The following MARCHF3 variants were observed in gnomAD, a reference collection of about 807,000 sequenced individuals.
MARCHF3 encodes membrane associated ring-CH-type finger 3.
MARCHF3 carries 13 observed loss-of-function variants against 24.2 expected under a neutral mutation model. The ratio of observed to expected loss-of-function variants is 0.54; its 90% CI spans 0.35 to 0.85. The LOEUF (loss-of-function observed/expected upper bound fraction) is 0.85, where lower values mean the gene tolerates loss of function less well. Ranked by LOEUF, MARCHF3 falls within the 40% of genes least tolerant of loss-of-function variation. The pLI is 0.01. For synonymous variants in MARCHF3, 144 were observed against 137.3 expected, an observed-to-expected ratio of 1.05 and a Z score of -0.34; for missense variants, 276 against 325.0, an observed-to-expected ratio of 0.85 and a Z score of 1.16.
intron 1 of MARCHF3, among the ~76,000 whole-genome samples, chr5:126,971,456 A>G (rs1236851741): frequency 2.0e-5 from 3 of 151,598 alleles, no homozygotes; most frequent in South Asian, 4.2e-4. Flanking sequence ...CTCAAAAAAA[A>G]AAAAAAAAAA....
chr5:126,905,764 G>A (rs1187752163), intron 3 of MARCHF3, among the ~76,000 whole-genome samples: 1 of 151,884 alleles, frequency 6.6e-6, no homozygotes, highest in Non-Finnish European at 1.5e-5. Context: ...TCTGCAAACA[G>A]GGACAATTTG....
intron 1 of MARCHF3, among the ~76,000 whole-genome samples, chr5:126,943,383 G>C (rs1236467559): frequency 6.6e-6 from 1 of 152,084 alleles, no homozygotes; most frequent in Non-Finnish European, 1.5e-5. Flanking sequence ...ATTGAGACCA[G>C]CTTGGGAAAC....
chr5:127,012,239 A>C (rs1383792662), intron 1 of MARCHF3, among the ~76,000 whole-genome samples: 2 of 152,192 alleles, frequency 1.3e-5, no homozygotes, highest in Non-Finnish European at 2.9e-5. Flanking sequence ...TTTCCAGTTC[A>C]GGATATCCAC....
intron 1 of MARCHF3, among the ~76,000 whole-genome samples, chr5:127,004,280 A>G (rs554365635): frequency 6.6e-6 from 1 of 152,278 alleles, no homozygotes; most frequent in African/African-American, 2.4e-5. Flanking sequence ...AGCAAACATT[A>G]AAGTGGAAAT....
chr5:126,900,630 G>C (rs1226871111), intron 3 of MARCHF3, among the ~76,000 whole-genome samples: 1 of 151,806 alleles, frequency 6.6e-6, no homozygotes, highest in Non-Finnish European at 1.5e-5. Flanking sequence ...ATTTATAGTA[G>C]CCAGAATGGA....
chr5:126,908,037 A>G (rs1754366960), intron 3 of MARCHF3, among the ~76,000 whole-genome samples: 1 of 151,918 alleles, frequency 6.6e-6, no homozygotes. Flanking sequence ...ATCTCTCAGC[A>G]TTTGCTTGTC....
chr5:126,886,045 T>C (rs1038872021), intron 3 of MARCHF3, among the ~76,000 whole-genome samples: 3 of 151,734 alleles, frequency 2.0e-5, no homozygotes, highest in East Asian at 3.9e-4. Context: ...CTTGAAATAA[T>C]TGAGAAGGGT....
At chr5:126,920,292 G>A (rs759259262) in intron 1 of MARCHF3, among the ~76,000 whole-genome samples, 85 of 152,080 alleles carry the variant, frequency 5.6e-4, no homozygotes, top group Non-Finnish European at 7.2e-4. Flanking sequence ...AAAACAAAGA[G>A]ATGTTAAAAG....
intron 3 of MARCHF3, among the ~76,000 whole-genome samples, chr5:126,893,324 A>T (rs184123948): frequency 0.015 from 2,270 of 149,108 alleles, 66 homozygotes; most frequent in African/African-American, 0.054. Context: ...TTTCTTGCCT[A>T]CTGCTAGCTT....
At chr5:126,893,137 C>A (rs1256325839) in intron 3 of MARCHF3, among the ~76,000 whole-genome samples, 3 of 151,796 alleles carry the variant, frequency 2.0e-5, no homozygotes, top group South Asian at 2.1e-4. Context: ...GTGGTGATAT[C>A]CCCTTTATCA....
intron 1 of MARCHF3, among the ~76,000 whole-genome samples, chr5:127,003,552 C>T (rs985932506): frequency 2.0e-5 from 3 of 151,220 alleles, no homozygotes; most frequent in Admixed American, 6.6e-5. Context: ...GAGATGGAGA[C>T]CATCCTGTCT....
chr5:126,899,204 AG>A, intron 3 of MARCHF3: 1 of 985,314 alleles, frequency 1.0e-6, no homozygotes, highest in Non-Finnish European at 1.2e-6. Flanking sequence ...AAGAATGAGG[AG>A]GACGGCAAAG....
chr5:126,988,397 A>G (rs1004259647), intron 1 of MARCHF3, among the ~76,000 whole-genome samples: 2 of 152,250 alleles, frequency 1.3e-5, no homozygotes, highest in African/African-American at 4.8e-5. Flanking sequence ...ATGGATAACC[A>G]AAGTTCACCA....
chr5:127,000,055 T>C (rs968204665), intron 1 of MARCHF3, among the ~76,000 whole-genome samples: 1 of 149,464 alleles, frequency 6.7e-6, no homozygotes, highest in Non-Finnish European at 1.5e-5. Flanking sequence ...ATATATAATA[T>C]AGAATATATA....
chr5:126,910,315 A>C (rs1754472296), intron 3 of MARCHF3, among the ~76,000 whole-genome samples: 1 of 152,244 alleles, frequency 6.6e-6, no homozygotes, highest in African/African-American at 2.4e-5. Context: ...TGATGTTACA[A>C]GCATGCTATT....
intron 1 of MARCHF3, among the ~76,000 whole-genome samples, chr5:126,941,988 T>G (rs1219449977): frequency 6.6e-6 from 1 of 152,232 alleles, no homozygotes; most frequent in Non-Finnish European, 1.5e-5. Context: ...GCAATCTTCC[T>G]GCTCAGTGCA....
At chr5:126,989,075 T>A (rs1217712878) in intron 1 of MARCHF3, among the ~76,000 whole-genome samples, 1 of 151,708 alleles carries the variant, frequency 6.6e-6, no homozygotes, top group Admixed American at 6.6e-5. Context: ...AAGCCAGGAG[T>A]TTGAGACCAG....
intron 1 of MARCHF3, among the ~76,000 whole-genome samples, chr5:126,996,475 T>C (rs1751951728): frequency 6.6e-6 from 1 of 151,700 alleles, no homozygotes; most frequent in African/African-American, 2.4e-5. Flanking sequence ...GCTGGGTCCC[T>C]GGTTTAAATG....
Position 126,870,602 on chromosome 5 carries a change from T to C in MARCHF3, c.*31A>G, listed in dbSNP as rs1752932587. Reference sequence around the variant, plus strand: ...GCAGACACTTCCAAACCCCAAACAATGAATCAAACAACCAACCAACCATAC... The same window carrying C: ...GCAGACACTTCCAAACCCCAAACAACGAATCAAACAACCAACCAACCATAC... On this transcript the variant is annotated 3_prime_UTR_variant, in exon 5 of 5. Coordinates refer to ENST00000308660, the MANE Select transcript of MARCHF3 (RefSeq NM_178450.5). The C allele has an allele frequency of 3.1e-6, 5 of 1,606,264 alleles. No homozygotes were observed. In the South Asian group the frequency reaches 3.3e-5, roughly 11 times the overall value.
Sources: gnomAD v4.1 joint callset for allele counts (sites outside exome capture counted in the v4.1 genomes callset) on GRCh38, gnomAD v4.1.1 for gene constraint, MANE v1.5 for transcripts, NCBI Gene and HGNC (gene_info 2026-07-23, HGNC 2026-07-21) for gene names.